Variants in GPR158 observed in about 807,000 individuals in gnomAD.
GPR158 encodes the protein metabotropic glycine receptor.
In GPR158, 30 loss-of-function variants were observed where a neutral mutation model predicts 78.2. The ratio of observed to expected loss-of-function variants is 0.38; its 90% CI spans 0.29 to 0.52. The LOEUF is 0.52. Among genes scored for constraint, GPR158 ranks in the 20% least tolerant of loss-of-function variants. The pLI is 0.83. For synonymous variants in GPR158, 581 were observed against 591.1 expected (o/e 0.98, Z 0.25); for missense variants, 1,463 against 1,523.5 (o/e 0.96, Z 0.66).
intron 5 of GPR158, among the ~76,000 whole-genome samples, chr10:25,499,378 A>G (rs956484950): frequency 6.6e-6 from 1 of 152,182 alleles, no homozygotes; most frequent in African/African-American, 2.4e-5. Context: ...CATTCAGAAG[A>G]GCGGGTGCTG....
intron 4 of GPR158, among the ~76,000 whole-genome samples, chr10:25,433,695 T>TTC (rs1554803679): frequency 0.017 from 2,276 of 133,516 alleles, 83 homozygotes; most frequent in African/African-American, 0.053. Context: ...TCTTTCTTTC[T>TTC]TTTTTTTTTT....
At chr10:25,433,054 G>A (rs141783721) in intron 4 of GPR158, among the ~76,000 whole-genome samples, 2 of 152,186 alleles carry the variant, frequency 1.3e-5, no homozygotes, top group East Asian at 3.9e-4. Context: ...CATTTTAGTT[G>A]GATATTATCC....
At chr10:25,425,608 C>T (rs899062751) in intron 4 of GPR158, among the ~76,000 whole-genome samples, 5 of 151,276 alleles carry the variant, frequency 3.3e-5, no homozygotes, top group East Asian at 3.9e-4. Flanking sequence ...GCAGAGTAAA[C>T]GGCCCATGGA....
At chr10:25,206,785 A>G (rs140171901) in intron 1 of GPR158, among the ~76,000 whole-genome samples, 2 of 152,040 alleles carry the variant, frequency 1.3e-5, no homozygotes, top group African/African-American at 4.8e-5. Context: ...TAAATAATTT[A>G]CTTGCCAGAA....
intron 5 of GPR158, among the ~76,000 whole-genome samples, chr10:25,547,835 G>A (rs1836682709): frequency 6.6e-6 from 1 of 152,142 alleles, no homozygotes. Flanking sequence ...CTAAGGTATT[G>A]TGAGGATTAA....
rs1852509586 is a variant in GPR158, at chr10:25,175,380, T to C, written c.-41T>C. 9.7e-6 allele frequency: 12 copies of C among 1,232,684 alleles called. No individual in the cohort carries two copies. The highest frequency in any genetic ancestry group is 1.4e-5 in the Non-Finnish European group (12 of 878,416). 76.4% of individuals were successfully genotyped at this position (1,232,684 alleles called of 1,614,324 possible). On this transcript the variant is annotated 5_prime_UTR_variant, in exon 1 of 11. Coordinates refer to ENST00000376351, the MANE Select transcript of GPR158 (RefSeq NM_020752.3). The surrounding 1 kb of genome is among the most constrained non-coding windows in gnomAD (Gnocchi z 6.4). ...TGACGATCCAAATTTAAAAAGTGAT[T>C]CCCCCCCCTCCCGTTCCCTCCTCTT...
Position 25,388,690 on chromosome 10 carries a change from G to A in GPR158, c.1009-7221G>A, listed in dbSNP as rs537012168. Among the ~76,000 whole-genome samples the A allele has an allele frequency of 3.9e-5, 6 of 152,378 alleles. No homozygotes were observed. The East Asian group carries it at 1.2e-3, about 29-fold the overall frequency. On this transcript the variant is annotated intron_variant, in intron 2 of 10. Coordinates refer to ENST00000376351, the MANE Select transcript of GPR158 (RefSeq NM_020752.3). ...CTGGGGCAGTGCTGTGCTCCATGGA[G>A]CCAGTGGGAGCTGGGAGCAGGCAAG...
chr10:25,293,477 G>A (rs1045485268), intron 2 of GPR158, among the ~76,000 whole-genome samples: 1 of 152,110 alleles, frequency 6.6e-6, no homozygotes, highest in Non-Finnish European at 1.5e-5. Flanking sequence ...TCAAATATTT[G>A]TCTCTCAAAA....
chr10:25,355,441 T>A (rs1855535985), intron 2 of GPR158, among the ~76,000 whole-genome samples: 3 of 152,240 alleles, frequency 2.0e-5, no homozygotes, highest in Middle Eastern at 3.4e-3. Context: ...TATGTTTTAC[T>A]GGAGATCACA....
intron 1 of GPR158, among the ~76,000 whole-genome samples, chr10:25,216,842 T>A (rs1312614242): frequency 6.6e-6 from 1 of 152,112 alleles, no homozygotes; most frequent in African/African-American, 2.4e-5. Context: ...ATAGCATGAA[T>A]TTTTTAGGGC....
At chr10:25,197,349 A>G (rs117080668) in intron 1 of GPR158, among the ~76,000 whole-genome samples, 3,251 of 152,304 alleles carry the variant, frequency 0.021, 39 homozygotes, top group Middle Eastern at 0.037. Flanking sequence ...TGAGGAGAAT[A>G]GTATCAGTCA....
At chr10:25,251,826 C>T (rs1201609847) in intron 2 of GPR158, among the ~76,000 whole-genome samples, 27 of 150,058 alleles carry the variant, frequency 1.8e-4, no homozygotes, top group East Asian at 7.9e-4. Context: ...ATCTTTGTGG[C>T]GTTCTCTGTA....
At chr10:25,390,227 T>C (rs1412735184) in intron 2 of GPR158, among the ~76,000 whole-genome samples, 1 of 152,032 alleles carries the variant, frequency 6.6e-6, no homozygotes, top group Non-Finnish European at 1.5e-5. Context: ...TAGAGGGGGG[T>C]ACTGCTATTA....
intron 2 of GPR158, among the ~76,000 whole-genome samples, chr10:25,307,016 C>CAG (rs67926384): frequency 0.14 from 21,138 of 146,316 alleles, 1,586 homozygotes; most frequent in Non-Finnish European, 0.18. Context: ...CACACACATA[C>CAG]AGAGAGAGAG....
At chr10:25,416,285 C>T (rs554056808) in intron 4 of GPR158, among the ~76,000 whole-genome samples, 1 of 152,170 alleles carries the variant, frequency 6.6e-6, no homozygotes, top group South Asian at 2.1e-4. Flanking sequence ...AAGTAGGTAC[C>T]CAAGCTCCAT....
At chr10:25,208,572 G>C (rs1456170711) in intron 1 of GPR158, among the ~76,000 whole-genome samples, 1 of 148,062 alleles carries the variant, frequency 6.8e-6, no homozygotes, top group Admixed American at 6.7e-5. Context: ...GTGTGTGTGT[G>C]TGTGTGTGTG....
intron 5 of GPR158, among the ~76,000 whole-genome samples, chr10:25,499,538 A>T (rs1488682115): frequency 6.6e-6 from 1 of 152,262 alleles, no homozygotes; most frequent in Admixed American, 6.5e-5. Flanking sequence ...TATAGCAGTT[A>T]ACAAGAGACA....
chr10:25,598,091 A>AC lies in GPR158; in HGVS notation c.2467dup (p.His823ProfsTer11). ...CTCAAGAAATCCCACAGCACTTATG[A>AC]CCACGTGAGAGACCAAACGGAAGAG... On this transcript the variant is annotated frameshift_variant, in exon 11 of 11. Transcript: ENST00000376351. LOFTEE classifies it low-confidence loss of function (END_TRUNC). The AC allele has an allele frequency of 6.2e-7, 1 of 1,614,076 alleles. No homozygotes were observed. Among genetic ancestry groups the AC allele is most frequent in the Non-Finnish European group, 8.5e-7 (1 of 1,180,016 alleles).
At position 25,367,352 on chromosome 10, in the gene GPR158, G is replaced by A. The variant is rs1410781971; in HGVS notation, c.1009-28559G>A. 2.6e-5 allele frequency among the ~76,000 whole-genome samples: 4 copies of A among 150,980 alleles called. No individual in the cohort carries two copies. In the East Asian group the frequency reaches 7.8e-4, roughly 29 times the overall value. On this transcript the variant is annotated intron_variant, in intron 2 of 10. Transcript: ENST00000376351. ...TCTGAATCATTGTGCAATTTTTCTT[G>A]ACTTATGTCAATACTACATTATTAT...
Sources: gnomAD v4.1 joint callset for allele counts (sites outside exome capture counted in the v4.1 genomes callset) on GRCh38, gnomAD v4.1.1 for gene constraint, Gnocchi (gnomAD v3.1) non-coding constraint, MANE v1.5 for transcripts, NCBI Gene and HGNC (gene_info 2026-07-23, HGNC 2026-07-21) for gene names.